Variants in SCAF8 observed in about 807,000 individuals in gnomAD.
SCAF8 encodes the protein SR-related and CTD-associated factor 8.
Under a neutral mutation model 140.5 loss-of-function variants are expected in SCAF8, and 23 were observed. The ratio of observed to expected loss-of-function variants is 0.16; its 90% CI spans 0.12 to 0.23. SCAF8 has a LOEUF of 0.23. Among genes scored for constraint, SCAF8 ranks in the 10% least tolerant of loss-of-function variants. SCAF8 has a pLI of 1.00. For synonymous variants in SCAF8, 575 were observed against 528.9 expected (o/e 1.09, Z -1.20); for missense variants, 1,397 against 1,555.7 (o/e 0.90, Z 1.72).
intron 1 of SCAF8, among the ~76,000 whole-genome samples, chr6:154,755,379 G>A (rs549958449): frequency 2.2e-4 from 33 of 152,008 alleles, no homozygotes; most frequent in African/African-American, 7.0e-4. Context: ...TCAGCCTCCC[G>A]AGTAGCTAGG....
intron 1 of SCAF8, among the ~76,000 whole-genome samples, chr6:154,771,938 A>G (rs952644472): frequency 6.6e-6 from 1 of 152,218 alleles, no homozygotes; most frequent in African/African-American, 2.4e-5. Flanking sequence ...AACATACCGC[A>G]TGTATTTAGA....
chr6:154,786,708 C>T (rs1420584381), intron 3 of SCAF8, among the ~76,000 whole-genome samples: 1 of 152,166 alleles, frequency 6.6e-6, no homozygotes, highest in East Asian at 1.9e-4. Flanking sequence ...ACAATTTTTG[C>T]AAAGGCGGTT....
chr6:154,806,162 A>T (rs888212257), intron 9 of SCAF8, among the ~76,000 whole-genome samples: 5 of 152,216 alleles, frequency 3.3e-5, no homozygotes, highest in African/African-American at 1.2e-4. Context: ...TAAATGTAAC[A>T]TCCTTTTGAG....
intron 1 of SCAF8, among the ~76,000 whole-genome samples, chr6:154,741,695 C>T (rs1176399958): frequency 1.3e-5 from 2 of 152,176 alleles, no homozygotes; most frequent in East Asian, 3.8e-4. Flanking sequence ...GTGTGAGCCA[C>T]CGCGCCCGGC....
At chr6:154,827,716 A>C (rs1212878044) in intron 18 of SCAF8, among the ~76,000 whole-genome samples, 2 of 151,520 alleles carry the variant, frequency 1.3e-5, no homozygotes, top group African/African-American at 2.4e-5. Flanking sequence ...ATTCCGGTTC[A>C]CCTGTTTTAG....
chr6:154,766,005 C>T (rs1316940076), intron 1 of SCAF8, among the ~76,000 whole-genome samples: 1 of 151,978 alleles, frequency 6.6e-6, no homozygotes, highest in African/African-American at 2.4e-5. Context: ...TTACCAATAA[C>T]ATAAACAGTT....
At chr6:154,803,521 C>T (rs1777829258) in intron 7 of SCAF8, 23 bp from the exon 8 acceptor site, 2 of 1,567,718 alleles carry the variant, frequency 1.3e-6, no homozygotes, top group Non-Finnish European at 1.8e-6. Flanking sequence ...TTTAATATGT[C>T]TGTTTCTCCT....
chr6:154,794,000 C>T (rs1293775266), intron 5 of SCAF8, among the ~76,000 whole-genome samples: 1 of 151,876 alleles, frequency 6.6e-6, no homozygotes, highest in Non-Finnish European at 1.5e-5. Flanking sequence ...TAGCTCACTG[C>T]AGCCTCGACC....
At chr6:154,759,878 C>A (rs865826349) in intron 1 of SCAF8, among the ~76,000 whole-genome samples, 2 of 152,058 alleles carry the variant, frequency 1.3e-5, no homozygotes, top group Admixed American at 6.6e-5. Flanking sequence ...CGTGATCAAG[C>A]CAGAATAGTC....
chr6:154,766,708 A>T (rs7744890), intron 1 of SCAF8, among the ~76,000 whole-genome samples: 79,066 of 133,118 alleles, frequency 0.59, 24,455 homozygotes, highest in East Asian at 0.91. Context: ...TTTTATGATT[A>T]CCTTCATTGG....
At chr6:154,788,349 A>G (rs1163533011) in intron 4 of SCAF8, among the ~76,000 whole-genome samples, 1 of 152,226 alleles carries the variant, frequency 6.6e-6, no homozygotes, top group Non-Finnish European at 1.5e-5. Context: ...GGTTTGTGTA[A>G]GTACACATCA....
chr6:154,767,027 A>G (rs1776594410), intron 1 of SCAF8, among the ~76,000 whole-genome samples: 1 of 152,098 alleles, frequency 6.6e-6, no homozygotes. Context: ...TCATTGTTGC[A>G]TGGAGTTATG....
chr6:154,786,141 A>C (rs199796668), intron 3 of SCAF8, among the ~76,000 whole-genome samples: 3 of 152,174 alleles, frequency 2.0e-5, no homozygotes, highest in African/African-American at 7.2e-5. Context: ...CTCCAAGAGC[A>C]TTCGGGGTTG....
chr6:154,739,094 T>C (rs1333573147), intron 1 of SCAF8, among the ~76,000 whole-genome samples: 1 of 152,176 alleles, frequency 6.6e-6, no homozygotes, highest in African/African-American at 2.4e-5. Context: ...CAAGTGATCT[T>C]CCTGCTTCAG....
chr6:154,733,424 T>C lies in SCAF8; in HGVS notation c.-477T>C. On this transcript the variant is annotated 5_prime_UTR_variant, in exon 1 of 20. The change abolishes an upstream ATG in the 5' untranslated region. Coordinates refer to ENST00000367178, the MANE Select transcript of SCAF8 (RefSeq NM_014892.5). Reference sequence around the variant, plus strand: ...CCCGACTCGAGTCCGCCATATTGGATGCCGCAGCCGCTGCTGCCAGCGCTT... The same window carrying C: ...CCCGACTCGAGTCCGCCATATTGGACGCCGCAGCCGCTGCTGCCAGCGCTT... 7.1e-7 allele frequency: 1 copy of C among 1,404,268 alleles called. No homozygotes were observed. Among genetic ancestry groups the C allele is most frequent in the Admixed American group, 3.0e-5 (1 of 33,714 alleles). The allele number at this position is 1,404,268 out of a possible 1,614,324, so 87.0% of individuals were successfully genotyped here.
Position 154,783,117 on chromosome 6 carries a change from A to G in SCAF8, c.160-4744A>G, listed in dbSNP as rs138054259. Reference sequence around the variant, plus strand: ...GACCTCATGATTTGGTGACTTTTCTACCATCCATAGCTCTGTTCTCATTTG... The same window carrying G: ...GACCTCATGATTTGGTGACTTTTCTGCCATCCATAGCTCTGTTCTCATTTG... On this transcript the variant is annotated intron_variant, in intron 3 of 19. Coordinates refer to ENST00000367178, the MANE Select transcript of SCAF8 (RefSeq NM_014892.5). Among the ~76,000 whole-genome samples, 12 of 152,304 alleles carry G rather than the reference A, an allele frequency of 7.9e-5. No individual in the cohort carries two copies. The East Asian group carries it at 2.1e-3, about 27-fold the overall frequency.
Position 154,833,599 on chromosome 6 carries a change from TTTTA to T in SCAF8, c.*208_*211del. 2.3e-6 allele frequency: 1 copy of T among 430,320 alleles called. No individual in the cohort carries two copies. The highest frequency in any genetic ancestry group is 2.0e-5 in the African/African-American group (1 of 49,022). 26.7% of individuals were successfully genotyped at this position (430,320 alleles called of 1,614,324 possible). A position where few individuals can be genotyped will look rare whatever the true frequency, so the allele number is the denominator to read the frequency against. On this transcript the variant is annotated 3_prime_UTR_variant, in exon 20 of 20. Transcript: ENST00000367178. Reference sequence around the variant, plus strand: ...TATGAACATGGTAGGTAAACTTTTTTTTTATTTTTTTCTGATAAAATACAAATGT... The same window carrying T: ...TATGAACATGGTAGGTAAACTTTTTTTTTTTTTCTGATAAAATACAAATGT...
At chr6:154,767,036 T>C (rs1352045581) in intron 1 of SCAF8, among the ~76,000 whole-genome samples, 1 of 152,160 alleles carries the variant, frequency 6.6e-6, no homozygotes, top group Non-Finnish European at 1.5e-5. Flanking sequence ...CATGGAGTTA[T>C]GGTTGACCAG....
chr6:154,799,868 T>G (rs1583046883), intron 6 of SCAF8, among the ~76,000 whole-genome samples: 1 of 151,206 alleles, frequency 6.6e-6, no homozygotes, highest in Non-Finnish European at 1.5e-5. Context: ...CATTGCAACC[T>G]TGGCCTCCCG....
Sources: allele counts gnomAD v4.1 joint callset (sites outside exome capture counted in the v4.1 genomes callset), GRCh38; gene constraint gnomAD v4.1.1; transcripts MANE v1.5; gene names NCBI Gene and HGNC (gene_info 2026-07-23, HGNC 2026-07-21).